Variants in AMZ2 observed in about 807,000 individuals in gnomAD.
The protein encoded by AMZ2 is archaelysin family metallopeptidase 2.
A neutral mutation model predicts 36.7 loss-of-function variants in AMZ2; 26 were observed. The ratio of observed to expected loss-of-function variants is 0.71; its 90% CI spans 0.52 to 0.98. AMZ2 has a LOEUF of 0.98. AMZ2 is among the 50% of genes least tolerant of loss of function. The probability of loss-of-function intolerance (pLI) is 0.00; values close to 1 mark genes in which losing one functional copy is unlikely to be tolerated. For synonymous variants in AMZ2, 144 were observed against 149.1 expected, an observed-to-expected ratio of 0.97 and a Z score of 0.25; for missense variants, 394 against 430.5, an observed-to-expected ratio of 0.92 and a Z score of 0.75.
Position 68,248,109 on chromosome 17 carries a change from G to A in AMZ2, c.-597G>A. The A allele has an allele frequency of 6.1e-6, 6 of 986,058 alleles. No homozygotes were observed. The highest frequency in any genetic ancestry group is 6.0e-6 in the Non-Finnish European group (5 of 830,320). The allele number at this position is 986,058 out of a possible 1,614,324, so 61.1% of individuals were successfully genotyped here. On this transcript the variant is annotated 5_prime_UTR_variant, in exon 1 of 7. Coordinates refer to ENST00000359904, the MANE Select transcript of AMZ2 (RefSeq NM_016627.5). ...CGGGTGGGTGGTATCGAGGCCTGTC[G>A]GGTCAGGGCGGTTCGCGGGTGCTGT...
intron 1 of AMZ2, among the ~76,000 whole-genome samples, chr17:68,216,551 AT>A (rs1482083237): frequency 1.3e-5 from 2 of 152,148 alleles, no homozygotes; most frequent in African/African-American, 2.4e-5. Context: ...AGAACCTGGA[AT>A]TTTTTTCAGA....
intron 1 of AMZ2, among the ~76,000 whole-genome samples, chr17:68,209,632 A>ATATATATATGTATATATATTTTTTTT: frequency 1.1e-5 from 1 of 90,700 alleles, no homozygotes; most frequent in Non-Finnish European, 2.0e-5. Context: ...ATATATATAT[A>ATATATATATGTATATATATTTTTTTT]TTTTTTTTTT....
intron 6 of AMZ2, 105 bp from the exon 7 acceptor site, chr17:68,256,709 C>T (rs1209176880): frequency 6.0e-6 from 7 of 1,160,368 alleles, no homozygotes; most frequent in Non-Finnish European, 8.5e-6. Flanking sequence ...GCAGCGTCTT[C>T]ATGGGGTAAT....
In AMZ2 at chr17:68,209,632, A is replaced by ATATATATATATGTATATATATTT; in HGVS notation, c.-67+3395_-67+3396insATATATATATGTATATATATTTT. ...TATGTATATATATATATATATATAT[A>ATATATATATATGTATATATATTT]TTTTTTTTTTTTTTTATACAGAGTC... is the stretch of plus-strand genomic sequence containing the variant. On this transcript the variant is annotated intron_variant, in intron 1 of 7. Coordinates refer to the AMZ2 transcript ENST00000674770. Among the ~76,000 whole-genome samples the ATATATATATATGTATATATATTT allele has an allele frequency of 1.2e-3, 105 of 90,604 alleles. 2 individuals are homozygous for ATATATATATATGTATATATATTT. The highest frequency in any genetic ancestry group is 8.0e-3 in the East Asian group (19 of 2,382). The allele number at this position is 90,604 out of a possible 152,430, so 59.4% of individuals were successfully genotyped here. A position where few individuals can be genotyped will look rare whatever the true frequency, so the allele number is the denominator to read the frequency against.
chr17:68,246,564 C>A (rs1391537121), upstream of AMZ2: 1 of 152,168 alleles, frequency 6.6e-6, no homozygotes, highest in Non-Finnish European at 1.5e-5. Context: ...CCCACGACTT[C>A]TCAAGCATTG....
In AMZ2 at chr17:68,215,355, A is replaced by G. The variant is rs188731103; in HGVS notation, c.-67+9117A>G. On this transcript the variant is annotated intron_variant, in intron 1 of 7. Coordinates refer to the AMZ2 transcript ENST00000674770. ...TCTTTGTTTTAACATTTCACTGTTG[A>G]GGTGGTAACATGGAAACCTTTGTCA... is the stretch of plus-strand genomic sequence containing the variant. Among the ~76,000 whole-genome samples the G allele has an allele frequency of 2.1e-3, 283 of 133,620 alleles. 68 individuals are homozygous for G. Among genetic ancestry groups the G allele is most frequent in the African/African-American group, 7.7e-3 (266 of 34,758 alleles). The allele number at this position is 133,620 out of a possible 152,430, so 87.7% of individuals were successfully genotyped here. A position where few individuals can be genotyped will look rare whatever the true frequency, so the allele number is the denominator to read the frequency against.
chr17:68,223,020 G>T lies in AMZ2; in HGVS notation c.-67+16782G>T, dbSNP rs549754738. ...CTGTCCAAGTAGGAGCAGCAGAGAG[G>T]CGTGTGCTCTCGGAGGGAGGGGTAT... On this transcript the variant is annotated intron_variant, in intron 1 of 7. Coordinates refer to the AMZ2 transcript ENST00000674770. Among the ~76,000 whole-genome samples, 155 of 152,132 alleles carry T rather than the reference G, an allele frequency of 1.0e-3. 1 individual carries two copies. Among genetic ancestry groups the T allele is most frequent in the East Asian group, 3.5e-3 (18 of 5,182 alleles).
In AMZ2 at chr17:68,221,217, CCG is replaced by C. The variant is rs1568348121; in HGVS notation, c.-67+14981_-67+14982del. ...CTGCCTCAGCCCTCAGCTCCCCCCCCCGCCCCCCCGGTAGCTAGGACCCCAAG... is the reference window on the plus strand; with the variant it reads ...CTGCCTCAGCCCTCAGCTCCCCCCCCCCCCCCCGGTAGCTAGGACCCCAAG... On this transcript the variant is annotated intron_variant, in intron 1 of 7. Transcript: ENST00000674770. 6.3e-4 allele frequency among the ~76,000 whole-genome samples: 59 copies of C among 93,416 alleles called. 4 individuals are homozygous for C. The highest frequency in any genetic ancestry group is 2.4e-3 in the African/African-American group (55 of 23,264). 61.3% of individuals were successfully genotyped at this position (93,416 alleles called of 152,430 possible). A position where few individuals can be genotyped will look rare whatever the true frequency, so the allele number is the denominator to read the frequency against.
chr17:68,249,777 G>A (rs1264052711), intron 1 of AMZ2: 7 of 175,334 alleles, frequency 4.0e-5, no homozygotes, highest in Non-Finnish European at 6.1e-5. Context: ...CTCCCTGGTA[G>A]CTAGGACCAC....
intron 1 of AMZ2, among the ~76,000 whole-genome samples, chr17:68,232,120 TAAAA>T (rs34203351): frequency 2.0e-5 from 2 of 100,354 alleles, no homozygotes; most frequent in East Asian, 3.0e-4. Flanking sequence ...CTGAAGTTTG[TAAAA>T]AAAAAAAAAA....
intron 1 of AMZ2, among the ~76,000 whole-genome samples, chr17:68,233,508 C>CAAA (rs35601824): frequency 2.5e-5 from 2 of 78,490 alleles, no homozygotes; most frequent in African/African-American, 5.1e-5. Flanking sequence ...AACTATGTCT[C>CAAA]AAAAAAAAAA....
rs2074348990 is a variant in AMZ2, at chr17:68,250,248, G to C, written c.61G>C (p.Val21Leu). ...LKTALISKNP[V>L]LVSQYEKLNA... is the part of the protein sequence containing the mutation. Reference sequence around the variant, plus strand: ...AACAGCTCTCATCTCAAAGAACCCAGTGCTTGTATCACAGTATGAGAAATT... The same window carrying C: ...AACAGCTCTCATCTCAAAGAACCCACTGCTTGTATCACAGTATGAGAAATT... Residue 21 changes from valine (V) to leucine (L), a missense_variant, in exon 2 of 7, where the codon GTG becomes CTG. Transcript: ENST00000359904. 4 of 1,614,148 alleles carry C rather than the reference G, an allele frequency of 2.5e-6. No individual in the cohort carries two copies. Among genetic ancestry groups the C allele is most frequent in the African/African-American group, 1.3e-5 (1 of 75,018 alleles).
intron 1 of AMZ2, among the ~76,000 whole-genome samples, chr17:68,210,350 T>A (rs1161271231): frequency 6.6e-6 from 1 of 152,242 alleles, no homozygotes; most frequent in Non-Finnish European, 1.5e-5. Context: ...AGATACATTA[T>A]TCAGCCTTGG....
rs193028352 is a variant in AMZ2 at position 68,220,519 on chromosome 17, A to G, written c.-67+14281A>G. ...ATACCCATCAAGTATAAGTGCTCAA[A>G]AAATGTTTGTAGAATTTAACTGAAT... On this transcript the variant is annotated intron_variant, in intron 1 of 7. Coordinates refer to the AMZ2 transcript ENST00000674770. Among the ~76,000 whole-genome samples the G allele has an allele frequency of 7.4e-4, 112 of 151,952 alleles. No homozygotes were observed. In the East Asian group the frequency reaches 0.019, roughly 25 times the overall value.
At chr17:68,214,679 TC>T (rs1363295780) in intron 1 of AMZ2, among the ~76,000 whole-genome samples, 5 of 152,196 alleles carry the variant, frequency 3.3e-5, no homozygotes, top group Admixed American at 3.3e-4. Context: ...TAGTTGGAGA[TC>T]AGACTTTCTT....
At chr17:68,208,196 C>T (rs1327203600) in intron 1 of AMZ2, among the ~76,000 whole-genome samples, 10 of 152,176 alleles carry the variant, frequency 6.6e-5, no homozygotes, top group East Asian at 1.9e-4. Flanking sequence ...CTGAGAAGTG[C>T]GGGCACAGGG....
At chr17:68,225,267 A>G (rs782447543) in intron 1 of AMZ2, among the ~76,000 whole-genome samples, 1 of 152,160 alleles carries the variant, frequency 6.6e-6, no homozygotes, top group Non-Finnish European at 1.5e-5. Flanking sequence ...CCCTGCAGTG[A>G]TAGAGGAGCT....
intron 1 of AMZ2, among the ~76,000 whole-genome samples, chr17:68,239,873 T>C (rs1555733634): frequency 6.6e-6 from 1 of 152,166 alleles, no homozygotes; most frequent in African/African-American, 2.4e-5. Flanking sequence ...TGGAAAGTTC[T>C]AACATGAAAC....
chr17:68,208,822 C>G (rs1208675266), intron 1 of AMZ2, among the ~76,000 whole-genome samples: 1 of 152,018 alleles, frequency 6.6e-6, no homozygotes, highest in African/African-American at 2.4e-5. Context: ...AGCGGTAACA[C>G]TCACCTGGAA....
Sources: allele counts gnomAD v4.1 joint callset (sites outside exome capture counted in the v4.1 genomes callset), GRCh38; gene constraint gnomAD v4.1.1; transcripts MANE v1.5; gene names NCBI Gene and HGNC (gene_info 2026-07-23, HGNC 2026-07-21).